The following EDAR variants were observed in gnomAD, a reference collection of about 807,000 sequenced individuals.
The protein encoded by EDAR is ectodysplasin A receptor.
Under a neutral mutation model 51.3 loss-of-function variants are expected in EDAR, and 38 were observed. That is an observed-to-expected ratio of 0.74 (90% CI 0.57 to 0.97). The LOEUF (loss-of-function observed/expected upper bound fraction) is 0.97, where lower values mean the gene tolerates loss of function less well. EDAR is among the 50% of genes least tolerant of loss of function. The probability of loss-of-function intolerance (pLI) is 0.00; values close to 1 mark genes in which losing one functional copy is unlikely to be tolerated. For synonymous variants in EDAR, 227 were observed against 242.1 expected, an observed-to-expected ratio of 0.94 and a Z score of 0.58; for missense variants, 528 against 595.0, an observed-to-expected ratio of 0.89 and a Z score of 1.17.
chr2:108,981,460 C>A (rs765813688), intron 1 of EDAR, among the ~76,000 whole-genome samples: 1 of 152,144 alleles, frequency 6.6e-6, no homozygotes, highest in Non-Finnish European at 1.5e-5. Flanking sequence ...CTGCTCTTGG[C>A]CTTGGGGATA....
At chr2:108,928,925 A>C (rs931695445) in intron 4 of EDAR, among the ~76,000 whole-genome samples, 1 of 152,220 alleles carries the variant, frequency 6.6e-6, no homozygotes, top group African/African-American at 2.4e-5. Flanking sequence ...GTATTCAAGC[A>C]ATTTGTTTCC....
At chr2:108,936,525 C>A (rs531060164) in intron 1 of EDAR, among the ~76,000 whole-genome samples, 1 of 152,166 alleles carries the variant, frequency 6.6e-6, no homozygotes, top group Non-Finnish European at 1.5e-5. Flanking sequence ...CGGCCTCCCA[C>A]GCTCTCCTTC....
At chr2:108,960,643 T>C (rs1045501111) in intron 1 of EDAR, among the ~76,000 whole-genome samples, 1 of 152,154 alleles carries the variant, frequency 6.6e-6, no homozygotes, top group African/African-American at 2.4e-5. Context: ...CACTACTAAT[T>C]GTAAAGAAGT....
At chr2:108,969,636 T>C (rs1387743675) in intron 1 of EDAR, among the ~76,000 whole-genome samples, 1 of 152,224 alleles carries the variant, frequency 6.6e-6, no homozygotes, top group African/African-American at 2.4e-5. Flanking sequence ...TACAGGAATT[T>C]TGCTTTGGGT....
chr2:108,926,574 G>A (rs552256647), intron 4 of EDAR, among the ~76,000 whole-genome samples: 15 of 152,204 alleles, frequency 9.9e-5, no homozygotes, highest in African/African-American at 1.9e-4. Context: ...CCAGAATCGC[G>A]GGGTGGTGGA....
chr2:108,966,779 G>A (rs1223621435), intron 1 of EDAR, among the ~76,000 whole-genome samples: 1 of 152,226 alleles, frequency 6.6e-6, no homozygotes, highest in Non-Finnish European at 1.5e-5. Context: ...CCCTGGAAGG[G>A]AGCACAGTGG....
intron 5 of EDAR, among the ~76,000 whole-genome samples, chr2:108,920,791 C>T (rs541005725): frequency 5.2e-4 from 79 of 152,336 alleles, no homozygotes; most frequent in African/African-American, 1.6e-3. Flanking sequence ...CATTAATTAA[C>T]GCCCTGGGGC....
At chr2:108,966,748 C>A (rs573862059) in intron 1 of EDAR, among the ~76,000 whole-genome samples, 7 of 152,398 alleles carry the variant, frequency 4.6e-5, no homozygotes, top group African/African-American at 1.7e-4. Context: ...ACATGGCCTG[C>A]TGGCAGAGGC....
chr2:108,934,547 G>A (rs1056442777), intron 1 of EDAR, among the ~76,000 whole-genome samples: 10 of 152,166 alleles, frequency 6.6e-5, no homozygotes, highest in African/African-American at 1.9e-4. Context: ...AGAATACCAC[G>A]GACTGGCTAA....
Position 108,930,223 on chromosome 2 carries a change from G to T in EDAR, c.71C>A (p.Ala24Asp), listed in dbSNP as rs1306259287. The change falls in exon 3 of 12, where the codon GCC (alanine) becomes GAC (aspartate). Residue 24 changes from alanine to aspartate, a missense_variant. Ala to Asp is a moderately radical substitution (Grantham distance 126). Transcript: ENST00000258443. ...ACCGCAGTTTGAGTATTCCGCTCGG[G>T]CTGAGCACATCAGAGACACCTGCCA... ...PVLVVSLMCS[A>D]RAEYSNCGEN... 3.1e-6 allele frequency: 5 copies of T among 1,613,992 alleles called. No homozygotes were observed. Among genetic ancestry groups the T allele is most frequent in the African/African-American group, 1.3e-5 (1 of 74,912 alleles).
Position 108,894,954 on chromosome 2 carries a change from T to G in EDAR, c.*1953A>C, listed in dbSNP as rs1218189704. On this transcript the variant is annotated 3_prime_UTR_variant, in exon 12 of 12. Coordinates refer to ENST00000258443, the MANE Select transcript of EDAR (RefSeq NM_022336.4). ...AAAACATTCTGAGGAGGGTGCAAGC[T>G]GTTATCCTGGAATGGCACACTCATC... 6.6e-6 allele frequency: 1 copy of G among 152,212 alleles called. No homozygotes were observed. Among genetic ancestry groups the G allele is most frequent in the Non-Finnish European group, 1.5e-5 (1 of 68,032 alleles). The allele number at this position is 152,212 out of a possible 1,614,324, so 9.4% of individuals were successfully genotyped here.
chr2:108,986,843 T>C (rs1459457502), intron 1 of EDAR, among the ~76,000 whole-genome samples: 3 of 152,216 alleles, frequency 2.0e-5, no homozygotes, highest in Non-Finnish European at 4.4e-5. Context: ...GGCATTGAGA[T>C]GGAGGCGGCA....
intron 1 of EDAR, among the ~76,000 whole-genome samples, chr2:108,952,488 C>T (rs953479574): frequency 6.6e-6 from 1 of 152,216 alleles, no homozygotes; most frequent in African/African-American, 2.4e-5. Context: ...TCTTCTACAG[C>T]CTCCAATACA....
At chr2:108,923,478 C>G in intron 4 of EDAR, 25 bp from the exon 5 acceptor site, 1 of 1,609,128 alleles carries the variant, frequency 6.2e-7, no homozygotes, top group Non-Finnish European at 8.5e-7. Flanking sequence ...CAAGACAAAA[C>G]AGAGACAGGT....
intron 1 of EDAR, among the ~76,000 whole-genome samples, chr2:108,939,986 C>A (rs890251985): frequency 6.6e-6 from 1 of 152,174 alleles, no homozygotes; most frequent in African/African-American, 2.4e-5. Flanking sequence ...ACAACAAAAG[C>A]AAAACAAGAA....
chr2:108,894,659 C>T lies in EDAR; in HGVS notation c.*2248G>A, dbSNP rs1696545984. ...CCACACAAAAATGGCAGGATGGAGT[C>T]CCAGCTTTGGTCAGTGAGAATTATT... On this transcript the variant is annotated 3_prime_UTR_variant, in exon 12 of 12. Transcript: ENST00000258443. 2 of 152,494 alleles carry T rather than the reference C, an allele frequency of 1.3e-5. No homozygotes were observed. The highest frequency in any genetic ancestry group is 2.4e-5 in the African/African-American group (1 of 41,418). 9.4% of individuals were successfully genotyped at this position (152,494 alleles called of 1,614,324 possible). A position where few individuals can be genotyped will look rare whatever the true frequency, so the allele number is the denominator to read the frequency against.
At chr2:108,919,505 G>T (rs1217518645) in intron 5 of EDAR, among the ~76,000 whole-genome samples, 1 of 152,038 alleles carries the variant, frequency 6.6e-6, no homozygotes, top group Non-Finnish European at 1.5e-5. Context: ...ATTACAGGCA[G>T]GCACCACCAC....
At chr2:108,956,595 GAC>G (rs1251856571) in intron 1 of EDAR, among the ~76,000 whole-genome samples, 1 of 152,206 alleles carries the variant, frequency 6.6e-6, no homozygotes, top group African/African-American at 2.4e-5. Flanking sequence ...ATGGTTGACT[GAC>G]AGTGAAATTT....
chr2:108,907,555 G>T (rs1286528141), intron 10 of EDAR, among the ~76,000 whole-genome samples: 1 of 151,956 alleles, frequency 6.6e-6, no homozygotes, highest in Non-Finnish European at 1.5e-5. Context: ...GGCTGAGACA[G>T]GAGAATTGCT....
Sources: gnomAD v4.1 joint callset for allele counts (sites outside exome capture counted in the v4.1 genomes callset) on GRCh38, gnomAD v4.1.1 for gene constraint, MANE v1.5 for transcripts, NCBI Gene and HGNC (gene_info 2026-07-23, HGNC 2026-07-21) for gene names.